The following PTPRK variants were observed in gnomAD, a reference collection of about 807,000 sequenced individuals.
The protein encoded by PTPRK is protein tyrosine phosphatase receptor type K, also known as receptor-type tyrosine-protein phosphatase kappa.
In PTPRK, 75 loss-of-function variants were observed where a neutral mutation model predicts 178.0. The ratio of observed to expected loss-of-function variants is 0.42; its 90% CI spans 0.35 to 0.51. The LOEUF is 0.51. Ranked by LOEUF, PTPRK falls within the 20% of genes least tolerant of loss-of-function variation. The pLI is 0.02. For synonymous variants in PTPRK, 637 were observed against 620.6 expected, an observed-to-expected ratio of 1.03 and a Z score of -0.39; for missense variants, 1,441 against 1,797.8, an observed-to-expected ratio of 0.80 and a Z score of 3.59.
chr6:128,283,027 A>G (rs1821922175), intron 3 of PTPRK, among the ~76,000 whole-genome samples: 1 of 152,158 alleles, frequency 6.6e-6, no homozygotes, highest in Non-Finnish European at 1.5e-5. Context: ...CCACAGCAGT[A>G]TTGCAACAAA....
intron 1 of PTPRK, among the ~76,000 whole-genome samples, chr6:128,490,803 C>A (rs1853659254): frequency 6.6e-6 from 1 of 152,132 alleles, no homozygotes; most frequent in Non-Finnish European, 1.5e-5. Flanking sequence ...ATCAAGATAC[C>A]AATAAGGCTG....
At chr6:128,105,883 T>G (rs1287077892) in intron 7 of PTPRK, among the ~76,000 whole-genome samples, 1 of 152,244 alleles carries the variant, frequency 6.6e-6, no homozygotes, top group African/African-American at 2.4e-5. Context: ...CAAGTCTCAT[T>G]GTACACTGCT....
intron 1 of PTPRK, among the ~76,000 whole-genome samples, chr6:128,507,176 T>A (rs1856493929): frequency 6.6e-6 from 1 of 152,190 alleles, no homozygotes; most frequent in Non-Finnish European, 1.5e-5. Flanking sequence ...TGTGTGGAGA[T>A]CAGCATTTGA....
Position 127,990,762 on chromosome 6 carries a change from T to TGG in PTPRK, c.3096+6_3096+7insCC. On this transcript the variant is annotated splice_region_variant and intron_variant, in intron 21 of 29. Transcript: ENST00000368226. ...CACTTTTTAAAATAGAATTTTAGAG[T>TGG]ACTTACCCTTTCCAGGGTGAATGTC... 1 of 1,544,020 alleles carries TGG rather than the reference T, an allele frequency of 6.5e-7. No individual in the cohort carries two copies. The highest frequency in any genetic ancestry group is 8.9e-7 in the Non-Finnish European group (1 of 1,118,152).
intron 1 of PTPRK, among the ~76,000 whole-genome samples, chr6:128,417,392 G>T (rs1032113007): frequency 1.3e-5 from 2 of 152,062 alleles, no homozygotes; most frequent in African/African-American, 2.4e-5. Flanking sequence ...CCAAGAATAG[G>T]CCATTAAATA....
chr6:128,169,732 T>C (rs1483569395), intron 7 of PTPRK, among the ~76,000 whole-genome samples: 2 of 151,914 alleles, frequency 1.3e-5, no homozygotes, highest in African/African-American at 2.4e-5. Flanking sequence ...AACCATCTTG[T>C]TATTGTTAAG....
At chr6:128,252,048 G>A (rs965101020) in intron 3 of PTPRK, among the ~76,000 whole-genome samples, 9 of 152,146 alleles carry the variant, frequency 5.9e-5, no homozygotes, top group Admixed American at 3.3e-4. Context: ...ACATGGCAGT[G>A]TCCAGGTAAC....
chr6:128,123,427 A>C (rs1286391435), intron 7 of PTPRK, among the ~76,000 whole-genome samples: 2 of 152,152 alleles, frequency 1.3e-5, no homozygotes, highest in Non-Finnish European at 2.9e-5. Context: ...TTTCTTTTAA[A>C]GGTCAGGCCT....
At chr6:128,444,906 T>C (rs1161673901) in intron 1 of PTPRK, among the ~76,000 whole-genome samples, 1 of 152,104 alleles carries the variant, frequency 6.6e-6, no homozygotes, top group African/African-American at 2.4e-5. Flanking sequence ...TCTCAACACT[T>C]CATGTATAAA....
At chr6:128,307,473 A>T (rs1231963127) in intron 3 of PTPRK, among the ~76,000 whole-genome samples, 1 of 148,040 alleles carries the variant, frequency 6.8e-6, no homozygotes, top group African/African-American at 2.5e-5. Flanking sequence ...AAAAAAAAAA[A>T]AATCAAAAAA....
intron 7 of PTPRK, among the ~76,000 whole-genome samples, chr6:128,113,545 A>G (rs1286358656): frequency 1.3e-5 from 2 of 151,918 alleles, no homozygotes; most frequent in Admixed American, 6.6e-5. Flanking sequence ...TTTACATTTT[A>G]TAAGTATTAT....
chr6:127,986,944 T>C (rs1267541936), intron 21 of PTPRK, among the ~76,000 whole-genome samples: 1 of 152,132 alleles, frequency 6.6e-6, no homozygotes, highest in African/African-American at 2.4e-5. Context: ...AATAAATAAC[T>C]GTAACAATCA....
chr6:128,461,928 A>T (rs1001145057), intron 1 of PTPRK, among the ~76,000 whole-genome samples: 3 of 152,260 alleles, frequency 2.0e-5, no homozygotes, highest in Non-Finnish European at 4.4e-5. Flanking sequence ...GAATAATATT[A>T]CATCTAACAT....
intron 7 of PTPRK, among the ~76,000 whole-genome samples, chr6:128,144,505 C>A (rs574642730): frequency 2.0e-5 from 3 of 152,244 alleles, no homozygotes; most frequent in South Asian, 4.1e-4. Context: ...TCTTTCTTAT[C>A]TTTTTCACTT....
intron 7 of PTPRK, among the ~76,000 whole-genome samples, chr6:128,091,647 T>C (rs974086656): frequency 2.0e-5 from 3 of 152,232 alleles, no homozygotes; most frequent in Non-Finnish European, 4.4e-5. Flanking sequence ...ACAATGCCTA[T>C]ACAGCAATGA....
chr6:128,331,858 A>G (rs867908012), intron 2 of PTPRK, among the ~76,000 whole-genome samples: 3 of 152,200 alleles, frequency 2.0e-5, no homozygotes, highest in African/African-American at 7.2e-5. Flanking sequence ...GTAAAAATAT[A>G]AACCTGTTTC....
chr6:128,087,003 T>C (rs529225708), intron 8 of PTPRK, among the ~76,000 whole-genome samples: 2 of 152,174 alleles, frequency 1.3e-5, no homozygotes, highest in African/African-American at 4.8e-5. Flanking sequence ...GTCATTGTAT[T>C]TTTACAAAAC....
At chr6:128,061,175 A>C (rs894680721) in intron 13 of PTPRK, among the ~76,000 whole-genome samples, 8 of 152,158 alleles carry the variant, frequency 5.3e-5, no homozygotes, top group African/African-American at 1.9e-4. Context: ...GTAACAATGA[A>C]CTCTGGCTTC....
chr6:128,184,749 C>A (rs376639475), intron 6 of PTPRK, 24 bp from the exon 7 acceptor site: 142 of 1,597,050 alleles, frequency 8.9e-5, no homozygotes, highest in Middle Eastern at 8.4e-4. Flanking sequence ...GTGTGCACTT[C>A]AATTAGTAAG....
Sources: allele counts gnomAD v4.1 joint callset (sites outside exome capture counted in the v4.1 genomes callset), GRCh38; gene constraint gnomAD v4.1.1; transcripts MANE v1.5; gene names NCBI Gene and HGNC (gene_info 2026-07-23, HGNC 2026-07-21).